Variants in DMD observed in about 807,000 individuals in gnomAD.
DMD encodes the protein dystrophin.
DMD carries 63 observed loss-of-function variants against 330.1 expected under a neutral mutation model. The ratio of observed to expected loss-of-function variants is 0.19; its 90% confidence interval spans 0.16 to 0.24. The LOEUF is 0.24. DMD is among the 10% of genes least tolerant of loss of function. The pLI, the probability that DMD is intolerant of heterozygous loss-of-function variation, is 1.00. For missense variants in DMD, 3,344 were observed against 2,684.1 expected (o/e 1.25, Z -5.43); for synonymous variants, 1,223 against 959.8 (o/e 1.27, Z -5.07).
In DMD at chrX:32,816,515, G is replaced by C. The variant is rs1210192846; in HGVS notation, c.483C>G (p.Thr161=). ...YPQVNVINFT[T]SWSDGLALNA... ...TCAAAGCCAGGCCATCAGACCAGCTGGTGGTGAAGTTGATTACATTAACCT... is the reference window on the plus strand; with the variant it reads ...TCAAAGCCAGGCCATCAGACCAGCTCGTGGTGAAGTTGATTACATTAACCT... Residue 161 remains threonine (T), a synonymous_variant, in exon 6 of 79, where the codon ACC becomes ACG. Transcript: ENST00000357033. The C allele has an allele frequency of 2.5e-6, 3 of 1,211,552 alleles. No homozygotes were observed. Among genetic ancestry groups the C allele is most frequent in the Non-Finnish European group, 3.4e-6 (3 of 895,331 alleles).
intron 52 of DMD, among the ~76,000 whole-genome samples, chrX:31,724,605 T>C (rs1055926100): frequency 1.8e-5 from 2 of 111,996 alleles, no homozygotes; most frequent in Non-Finnish European, 3.8e-5. Flanking sequence ...CTTGGAATTC[T>C]GTTTCAGAAG....
In DMD at chrX:32,454,738, G is replaced by C. The variant is rs2098348910; in HGVS notation, c.3527C>G (p.Ala1176Gly). 1 of 1,200,098 alleles carries C rather than the reference G, an allele frequency of 8.3e-7. No individual in the cohort carries two copies. The highest frequency in any genetic ancestry group is 1.8e-5 in the African/African-American group (1 of 55,571). Residue 1176 changes from alanine (A) to glycine (G), a missense_variant, in exon 26 of 79, where the codon GCT becomes GGT. Transcript: ENST00000357033. ...ATCTCTCTCAAGATACTCTTCTTCA[G>C]CTTGTGTCATCCATTCGTGCATCTC... Reference protein sequence around the residue: ...LSEMHEWMTQAEEEYLERDFE... With the variant: ...LSEMHEWMTQGEEEYLERDFE...
At chrX:31,806,930 C>G (rs1301013504) in intron 50 of DMD, among the ~76,000 whole-genome samples, 1 of 111,766 alleles carries the variant, frequency 8.9e-6, no homozygotes, top group Non-Finnish European at 1.9e-5. Context: ...GCATACAACC[C>G]TTTTTTCAAG....
chrX:31,422,649 A>G, intron 60 of DMD, among the ~76,000 whole-genome samples: 1 of 112,099 alleles, frequency 8.9e-6, no homozygotes, highest in East Asian at 2.8e-4. Flanking sequence ...GATACAAATT[A>G]AAATTTTTAA....
chrX:32,639,533 G>A (rs1358840708), intron 11 of DMD, among the ~76,000 whole-genome samples: 6 of 112,107 alleles, frequency 5.4e-5, no homozygotes, highest in Middle Eastern at 8.5e-3. Context: ...GACCAGTATC[G>A]GCACGTGCCA....
intron 11 of DMD, among the ~76,000 whole-genome samples, chrX:32,629,888 A>G (rs2058622961): frequency 9.1e-6 from 1 of 110,031 alleles, no homozygotes; most frequent in Non-Finnish European, 1.9e-5. Context: ...CTATGTCTTG[A>G]AAAGTTGTTG....
intron 41 of DMD, among the ~76,000 whole-genome samples, chrX:32,338,242 C>G (rs1437569226): frequency 9.0e-6 from 1 of 111,404 alleles, no homozygotes; most frequent in Non-Finnish European, 1.9e-5. Context: ...CTCTGAGTTT[C>G]ATTCAGAGCT....
At chrX:33,311,529 T>C (rs1448466886) in intron 1 of DMD, among the ~76,000 whole-genome samples, 1 of 111,028 alleles carries the variant, frequency 9.0e-6, no homozygotes, top group African/African-American at 3.3e-5. Flanking sequence ...CGTATGTCTG[T>C]TAAACCAAAT....
intron 48 of DMD, among the ~76,000 whole-genome samples, chrX:31,852,530 T>C (rs972547442): frequency 9.0e-6 from 1 of 111,059 alleles, no homozygotes; most frequent in Admixed American, 9.6e-5. Flanking sequence ...TAGCATGAAT[T>C]GACTATTTCC....
intron 44 of DMD, among the ~76,000 whole-genome samples, chrX:32,047,485 A>T (rs183291854): frequency 8.9e-6 from 1 of 112,030 alleles, no homozygotes; most frequent in East Asian, 2.8e-4. Context: ...ACATTAAAAC[A>T]TTCCTAAAAT....
chrX:32,459,205 C>T (rs2098373758), intron 25 of DMD, among the ~76,000 whole-genome samples: 1 of 110,910 alleles, frequency 9.0e-6, no homozygotes, highest in African/African-American at 3.3e-5. Flanking sequence ...CAGAAGGAAA[C>T]TTTTGGAGGT....
intron 7 of DMD, among the ~76,000 whole-genome samples, chrX:32,768,392 C>A (rs1288388057): frequency 9.0e-6 from 1 of 111,223 alleles, no homozygotes; most frequent in Non-Finnish European, 1.9e-5. Flanking sequence ...CAATCTTTGC[C>A]CACTCGTGGG....
chrX:31,632,618 G>C (rs2079191784), intron 54 of DMD, among the ~76,000 whole-genome samples: 1 of 111,286 alleles, frequency 9.0e-6, no homozygotes, highest in African/African-American at 3.3e-5. Context: ...AAAGATTAAA[G>C]GATCATTATT....
intron 12 of DMD, among the ~76,000 whole-genome samples, chrX:32,603,737 C>A (rs2056427321): frequency 9.0e-6 from 1 of 110,748 alleles, no homozygotes; most frequent in South Asian, 3.7e-4. Flanking sequence ...TCTAGGTACA[C>A]AAATTAGAAA....
chrX:31,367,502 T>C (rs2059326797), intron 60 of DMD, among the ~76,000 whole-genome samples: 1 of 111,646 alleles, frequency 9.0e-6, no homozygotes, highest in African/African-American at 3.3e-5. Context: ...CCTGCAACAC[T>C]GACTTCTATG....
At chrX:32,256,511 A>G (rs1400030488) in intron 43 of DMD, among the ~76,000 whole-genome samples, 2 of 110,197 alleles carry the variant, frequency 1.8e-5, no homozygotes, top group South Asian at 3.9e-4. Flanking sequence ...GCCCATTTAC[A>G]TTTAAAGTTA....
In DMD at chrX:32,348,535, A is replaced by T; in HGVS notation, c.5326-7T>A. 8.4e-7 allele frequency: 1 copy of T among 1,195,828 alleles called. No homozygotes were observed. The highest frequency in any genetic ancestry group is 1.1e-6 in the Non-Finnish European group (1 of 884,842). ...CCTTCAAAGGAATGGAGGCCTAAAA[A>T]AAAAGATAGTGCTACTTTAAATCAA... On this transcript the variant is annotated splice_polypyrimidine_tract_variant and splice_region_variant and intron_variant, in intron 37 of 78. Coordinates refer to ENST00000357033, the MANE Select transcript of DMD (RefSeq NM_004006.3).
intron 33 of DMD, 108 bp downstream of exon 33, chrX:32,386,202 A>G (rs1468431654): frequency 3.7e-6 from 3 of 802,155 alleles, no homozygotes; most frequent in East Asian, 3.2e-5. Context: ...AGAGAGAGAG[A>G]GGTGTTTAGA....
chrX:32,773,960 C>T (rs1422738262), intron 7 of DMD, among the ~76,000 whole-genome samples: 1 of 110,820 alleles, frequency 9.0e-6, no homozygotes, highest in Non-Finnish European at 1.9e-5. Context: ...GATATCTGGC[C>T]CATCCTGGAA....
Sources: gnomAD v4.1 joint callset for allele counts (sites outside exome capture counted in the v4.1 genomes callset) on GRCh38, gnomAD v4.1.1 for gene constraint, MANE v1.5 for transcripts, NCBI Gene and HGNC (gene_info 2026-07-23, HGNC 2026-07-21) for gene names.